Variants in DOCK1 observed in about 807,000 individuals in gnomAD.
DOCK1 encodes the protein dedicator of cytokinesis protein 1.
DOCK1 carries 138 observed loss-of-function variants against 262.7 expected under a neutral mutation model. The observed-to-expected ratio is 0.53, with a 90% CI of 0.46 to 0.61. The LOEUF is 0.61. Ranked by LOEUF, DOCK1 falls within the 20% of genes least tolerant of loss-of-function variation. The probability of loss-of-function intolerance (pLI) is 0.00; values close to 1 mark genes in which losing one functional copy is unlikely to be tolerated. For missense variants in DOCK1, 1,908 were observed against 2,370.7 expected, an observed-to-expected ratio of 0.80 and a Z score of 4.05; for synonymous variants, 866 against 867.4, an observed-to-expected ratio of 1.00 and a Z score of 0.03.
At position 127,236,500 on chromosome 10, in the gene DOCK1, G is replaced by GTTTTTTT. The variant is rs771387854; in HGVS notation, c.2848-11489_2848-11483dup. ...TGCACATTGATCCTTCTTGACACGGGTTTTTTTTTTTTTTTTTTTTTTTTT... is the reference window on the plus strand; with the variant it reads ...TGCACATTGATCCTTCTTGACACGGGTTTTTTTTTTTTTTTTTTTTTTTTTTTTTTTT... On this transcript the variant is annotated intron_variant, in intron 27 of 51. Transcript: ENST00000623213. 3.7e-3 allele frequency among the ~76,000 whole-genome samples: 244 copies of GTTTTTTT among 66,786 alleles called. 6 individuals carry two copies. Among genetic ancestry groups the GTTTTTTT allele is most frequent in the Non-Finnish European group, 4.7e-3 (175 of 37,452 alleles). The allele number at this position is 66,786 out of a possible 152,430, so 43.8% of individuals were successfully genotyped here. A position where few individuals can be genotyped will look rare whatever the true frequency, so the allele number is the denominator to read the frequency against.
intron 27 of DOCK1, among the ~76,000 whole-genome samples, chr10:127,241,205 G>T (rs187710769): frequency 6.6e-6 from 1 of 152,246 alleles, no homozygotes; most frequent in Non-Finnish European, 1.5e-5. Context: ...TCTAGTCCCA[G>T]CTACTCCGGA....
At chr10:127,041,079 A>G (rs761833545) in intron 19 of DOCK1, among the ~76,000 whole-genome samples, 2 of 152,116 alleles carry the variant, frequency 1.3e-5, no homozygotes, top group Non-Finnish European at 2.9e-5. Context: ...CGTAGTGACT[A>G]TCAGTGCTTC....
intron 29 of DOCK1, among the ~76,000 whole-genome samples, chr10:127,278,524 G>A (rs569501635): frequency 6.6e-6 from 1 of 152,214 alleles, no homozygotes; most frequent in South Asian, 2.1e-4. Context: ...GCAAGGGTGA[G>A]GGAGTTGCAG....
Position 127,444,252 on chromosome 10 carries a change from G to A in DOCK1, c.5386G>A (p.Ala1796Thr). The A allele has an allele frequency of 1.2e-6, 2 of 1,610,014 alleles. No homozygotes were observed. Among genetic ancestry groups the A allele is most frequent in the Non-Finnish European group, 1.7e-6 (2 of 1,178,580 alleles). The part of the protein sequence containing the change: ...QQTPPPVTPR[A>T]KLSFSMQSSL... ...AACACCCCCTCCAGTTACACCAAGGGCCAAGCTCAGCTTCAGCATGCAGTC... is the reference window on the plus strand; with the variant it reads ...AACACCCCCTCCAGTTACACCAAGGACCAAGCTCAGCTTCAGCATGCAGTC... The change falls in exon 50 of 52, where the codon GCC (alanine) becomes ACC (threonine). Residue 1796 changes from alanine (A) to threonine (T), a missense_variant. Physicochemically the swap from Ala to Thr is moderately conservative, Grantham distance 58. Transcript: ENST00000623213.
chr10:127,271,561 A>G (rs2060569391), intron 29 of DOCK1, among the ~76,000 whole-genome samples: 2 of 152,220 alleles, frequency 1.3e-5, no homozygotes, highest in African/African-American at 4.8e-5. Flanking sequence ...TTTTCATGCA[A>G]GACCCTTCTG....
intron 3 of DOCK1, among the ~76,000 whole-genome samples, chr10:126,980,610 A>G (rs1002709059): frequency 2.6e-5 from 4 of 152,150 alleles, no homozygotes; most frequent in African/African-American, 9.7e-5. Context: ...CAGAAGCAAC[A>G]TGAATCATTG....
chr10:127,285,034 A>T (rs1477021608), intron 29 of DOCK1, among the ~76,000 whole-genome samples: 1 of 151,924 alleles, frequency 6.6e-6, no homozygotes, highest in African/African-American at 2.4e-5. Context: ...GCTACTCTGG[A>T]GGGTGAGGCA....
At position 127,423,678 on chromosome 10, in the gene DOCK1, A is replaced by G. The variant is rs1396225859; in HGVS notation, c.4777-2196A>G. Reference sequence around the variant, plus strand: ...TGTACGAAGATGAAAGGCTGAACTCAGCCATCATCCCCAGCTGATGACAAG... The same window carrying G: ...TGTACGAAGATGAAAGGCTGAACTCGGCCATCATCCCCAGCTGATGACAAG... On this transcript the variant is annotated intron_variant, in intron 46 of 51. Transcript: ENST00000623213. 4.6e-5 allele frequency among the ~76,000 whole-genome samples: 7 copies of G among 152,208 alleles called. No individual in the cohort carries two copies. In the East Asian group the frequency reaches 1.3e-3, roughly 29 times the overall value.
chr10:127,032,606 T>C (rs930531447), intron 18 of DOCK1, among the ~76,000 whole-genome samples: 6 of 152,026 alleles, frequency 3.9e-5, no homozygotes, highest in Non-Finnish European at 8.8e-5. Context: ...CAGGCTGGAG[T>C]GCAGTGGTGT....
chr10:127,195,075 C>G (rs867383011), intron 27 of DOCK1, among the ~76,000 whole-genome samples: 4 of 152,220 alleles, frequency 2.6e-5, no homozygotes, highest in Admixed American at 2.6e-4. Context: ...CCTGGCATCT[C>G]TTTATCACTG....
chr10:126,992,809 T>A (rs541836400), intron 6 of DOCK1, among the ~76,000 whole-genome samples: 3 of 90,662 alleles, frequency 3.3e-5, no homozygotes, highest in South Asian at 1.2e-3. Context: ...CACACACAGT[T>A]CTACACATGA....
intron 1 of DOCK1, among the ~76,000 whole-genome samples, chr10:126,923,966 C>T (rs1363964169): frequency 6.6e-6 from 1 of 152,220 alleles, no homozygotes; most frequent in Non-Finnish European, 1.5e-5. Flanking sequence ...ACTTTCCCAG[C>T]CTCCACAACT....
rs61224822 is a variant in DOCK1, at chr10:127,095,661, CTG to C, written c.2446-10541_2446-10540del. 1.3e-3 allele frequency among the ~76,000 whole-genome samples: 195 copies of C among 147,878 alleles called. 1 individual carries two copies. Among genetic ancestry groups the C allele is most frequent in the East Asian group, 8.3e-3 (41 of 4,964 alleles). On this transcript the variant is annotated intron_variant, in intron 23 of 51. Coordinates refer to ENST00000623213, the MANE Select transcript of DOCK1 (RefSeq NM_001290223.2). ...TGACACAACCACGTGGGCCAGGAAG[CTG>C]TGTGTGTGTGTGTGTGTGTGTGTGT...
At chr10:127,330,052 G>A (rs1257942953) in intron 29 of DOCK1, among the ~76,000 whole-genome samples, 2 of 152,056 alleles carry the variant, frequency 1.3e-5, no homozygotes, top group East Asian at 1.9e-4. Context: ...TGCTAACTCC[G>A]CGTTGGGGCT....
intron 24 of DOCK1, among the ~76,000 whole-genome samples, chr10:127,107,731 T>C (rs12265581): frequency 0.23 from 35,164 of 152,018 alleles, 5,655 homozygotes; most frequent in African/African-American, 0.46. Flanking sequence ...TTTAACAACC[T>C]CCCTCCCCGT....
chr10:126,954,234 A>C (rs1266788560), intron 1 of DOCK1, among the ~76,000 whole-genome samples: 1 of 152,256 alleles, frequency 6.6e-6, no homozygotes, highest in East Asian at 1.9e-4. Context: ...GGCTCAGAGC[A>C]GCACTGCTGG....
chr10:127,410,923 C>T lies in DOCK1; in HGVS notation c.4427C>T (p.Ala1476Val), dbSNP rs200693040. Residue 1476 changes from alanine to valine, a missense_variant and splice_region_variant, in exon 43 of 52, where the codon GCG (alanine) becomes GTG (valine). By Grantham distance (64) the Ala-to-Val change is moderately conservative (BLOSUM62 0). Transcript: ENST00000623213. ...KGEKNPDNEFANMWIERTIYT... is the reference protein window; with the variant it reads ...KGEKNPDNEFVNMWIERTIYT... Reference sequence around the variant, plus strand: ...GAGAAAAACCCAGACAATGAATTTGCGGTAAAAAACAAACAAACCACCAAA... The same window carrying T: ...GAGAAAAACCCAGACAATGAATTTGTGGTAAAAAACAAACAAACCACCAAA... 29 of 1,611,856 alleles carry T rather than the reference C, an allele frequency of 1.8e-5. No homozygotes were observed. The highest frequency in any genetic ancestry group is 7.7e-5 in the South Asian group (7 of 90,482).
chr10:126,919,088 G>A (rs1156623695), intron 1 of DOCK1, among the ~76,000 whole-genome samples: 1 of 152,150 alleles, frequency 6.6e-6, no homozygotes, highest in Non-Finnish European at 1.5e-5. Flanking sequence ...AGTTTCTCTT[G>A]AGGCCAGGAG....
At position 127,320,396 on chromosome 10, in the gene DOCK1, C is replaced by T. The variant is rs112180543; in HGVS notation, c.3045-18610C>T. Among the ~76,000 whole-genome samples, 1,270 of 152,272 alleles carry T rather than the reference C, an allele frequency of 8.3e-3. 16 individuals carry two copies. The highest frequency in any genetic ancestry group is 0.027 in the African/African-American group (1,105 of 41,544). On this transcript the variant is annotated intron_variant, in intron 29 of 51. Coordinates refer to ENST00000623213, the MANE Select transcript of DOCK1 (RefSeq NM_001290223.2). ...CAAGGAGCAGTTGCGTAAGTCCTTG[C>T]GTAAGTAGAATGAGATGCCCAGGGC...
Sources: gnomAD v4.1 joint callset for allele counts (sites outside exome capture counted in the v4.1 genomes callset) on GRCh38, gnomAD v4.1.1 for gene constraint, MANE v1.5 for transcripts, NCBI Gene and HGNC (gene_info 2026-07-23, HGNC 2026-07-21) for gene names.